Variants in PCNT observed in about 807,000 individuals in gnomAD.
PCNT encodes pericentrin.
A neutral mutation model predicts 380.4 loss-of-function variants in PCNT; 319 were observed. That is an observed-to-expected ratio of 0.84 (90% CI 0.77 to 0.92). The LOEUF is 0.92. PCNT is among the 40% of genes least tolerant of loss of function. PCNT has a pLI of 0.00. For synonymous variants in PCNT, 1,845 were observed against 1,735.2 expected, an observed-to-expected ratio of 1.06 and a Z score of -1.57; for missense variants, 4,400 against 4,255.3, an observed-to-expected ratio of 1.03 and a Z score of -0.95.
intron 15 of PCNT, among the ~76,000 whole-genome samples, chr21:46,380,515 T>G (rs1222859142): frequency 1.5e-4 from 22 of 150,848 alleles, no homozygotes; most frequent in Non-Finnish European, 1.5e-5. Context: ...GGCAGCAAGG[T>G]GCCCGGCAGG....
chr21:46,364,831 C>T (rs368664869), intron 14 of PCNT, among the ~76,000 whole-genome samples: 108 of 152,334 alleles, frequency 7.1e-4, no homozygotes, highest in African/African-American at 2.3e-3. Flanking sequence ...TGCATGAACA[C>T]GAGCAGGACG....
At chr21:46,354,661 G>A (rs140295937) in intron 11 of PCNT, among the ~76,000 whole-genome samples, 1 of 152,266 alleles carries the variant, frequency 6.6e-6, no homozygotes, top group East Asian at 1.9e-4. Context: ...GGGCAGCACC[G>A]CGTGGCTTGT....
At chr21:46,421,531 A>G (rs369685727) in intron 31 of PCNT, among the ~76,000 whole-genome samples, 26 of 152,290 alleles carry the variant, frequency 1.7e-4, no homozygotes, top group African/African-American at 6.3e-4. Context: ...CATGGCAGGC[A>G]CGGTCAGCGT....
At chr21:46,394,667 T>C in intron 21 of PCNT, 1 of 215,846 alleles carries the variant, frequency 4.6e-6, no homozygotes, top group Non-Finnish European at 7.9e-6. Flanking sequence ...TACTCTAATC[T>C]TCAGTATTCA....
intron 13 of PCNT, among the ~76,000 whole-genome samples, chr21:46,361,504 G>T (rs1459080679): frequency 6.6e-6 from 1 of 152,320 alleles, no homozygotes; most frequent in East Asian, 1.9e-4. Context: ...AACTGCACAG[G>T]TGCTTTTGTC....
At chr21:46,421,856 G>C in intron 31 of PCNT, 114 bp from the exon 32 acceptor site, 2 of 1,135,474 alleles carry the variant, frequency 1.8e-6, no homozygotes, top group Non-Finnish European at 2.6e-6. Flanking sequence ...GAATCACGGT[G>C]TGGTTGTCGC....
At position 46,402,480 on chromosome 21, in the gene PCNT, G is replaced by C; in HGVS notation, c.5112G>C (p.Leu1704Phe). 1 of 1,614,064 alleles carries C rather than the reference G, an allele frequency of 6.2e-7. No homozygotes were observed. Among genetic ancestry groups the C allele is most frequent in the Non-Finnish European group, 8.5e-7 (1 of 1,179,968 alleles). The change falls in exon 27 of 47, where the codon TTG becomes TTC. Residue 1704 changes from leucine (L) to phenylalanine (F), a missense_variant. Physicochemically the swap from Leu to Phe is conservative, Grantham distance 22. Coordinates refer to ENST00000359568, the MANE Select transcript of PCNT (RefSeq NM_006031.6). The stretch of plus-strand genomic sequence containing the variant: ...AACTTGAGGAAGAGAACACGAGCTT[G>C]AAGGTAAGCTACCAAAGGTCCACGT... ...LRELEEENTS[L>F]KVIYTRSSEI...
chr21:46,383,900 A>G (rs543687661), intron 16 of PCNT, among the ~76,000 whole-genome samples: 44 of 122,378 alleles, frequency 3.6e-4, no homozygotes, highest in South Asian at 1.3e-3. Context: ...ATTCAGTGGC[A>G]GAAGCGCATT....
chr21:46,417,141 T>G (rs2087058857), intron 30 of PCNT, among the ~76,000 whole-genome samples: 1 of 151,942 alleles, frequency 6.6e-6, no homozygotes, highest in African/African-American at 2.4e-5. Context: ...CATAGGGTTC[T>G]TTGTCCAGAA....
At position 46,385,957 on chromosome 21, in the gene PCNT, C is replaced by A; in HGVS notation, c.3438C>A (p.Ala1146=). ...CAAACCTCCTCTCCATGCTCAAGGC[C>A]GACGTCAACCTGTCCCACAGCGAAA... is the stretch of plus-strand genomic sequence containing the variant. ...EGANLLSMLK[A]DVNLSHSERG... Residue 1146 remains alanine (A), a synonymous_variant, in exon 17 of 47, where the codon GCC becomes GCA. Transcript: ENST00000359568. 6.2e-7 allele frequency: 1 copy of A among 1,614,164 alleles called. No individual in the cohort carries two copies. The highest frequency in any genetic ancestry group is 8.5e-7 in the Non-Finnish European group (1 of 1,180,022).
At chr21:46,347,594 A>C (rs1601797583) in intron 6 of PCNT, 82 bp downstream of exon 6, 5 of 1,275,976 alleles carry the variant, frequency 3.9e-6, no homozygotes, top group Non-Finnish European at 5.7e-6. Flanking sequence ...AACGCTCCTC[A>C]CCTTGATTCA....
In PCNT at chr21:46,349,135, G is replaced by A. The variant is rs770890994; in HGVS notation, c.1156G>A (p.Glu386Lys). ...LQNQFQKELAEQRAELEKIFQ... is the reference protein window; with the variant it reads ...LQNQFQKELAKQRAELEKIFQ... The stretch of plus-strand genomic sequence containing the variant: ...AAACCAGTTTCAGAAAGAATTGGCA[G>A]AACAGAGAGCTGAGTTGGAGAAGAT... The change falls in exon 7 of 47, where the codon GAA becomes AAA. Residue 386 changes from glutamate to lysine, a missense_variant. Coordinates refer to ENST00000359568, the MANE Select transcript of PCNT (RefSeq NM_006031.6). 1.2e-6 allele frequency: 2 copies of A among 1,613,786 alleles called. No homozygotes were observed. Among genetic ancestry groups the A allele is most frequent in the South Asian group, 1.1e-5 (1 of 91,060 alleles).
intron 2 of PCNT, among the ~76,000 whole-genome samples, chr21:46,327,725 C>T (rs746025364): frequency 1.2e-4 from 18 of 152,218 alleles, no homozygotes; most frequent in Non-Finnish European, 2.2e-4. Flanking sequence ...ACATAATATT[C>T]CTTCACATAG....
chr21:46,363,108 A>T (rs2084777125), intron 13 of PCNT, among the ~76,000 whole-genome samples: 1 of 152,242 alleles, frequency 6.6e-6, no homozygotes, highest in Admixed American at 6.5e-5. Flanking sequence ...TTCCCCTAAC[A>T]GAGGCCTGCG....
At chr21:46,442,963 C>T (rs998467242) in intron 44 of PCNT, 6 of 311,830 alleles carry the variant, frequency 1.9e-5, no homozygotes, top group Admixed American at 4.7e-5. Context: ...AGTTCTCTGC[C>T]GAGCCATTGC....
chr21:46,405,759 A>G (rs967694715), intron 27 of PCNT, among the ~76,000 whole-genome samples: 2 of 152,228 alleles, frequency 1.3e-5, no homozygotes, highest in Non-Finnish European at 2.9e-5. Flanking sequence ...TTATTTGTCT[A>G]TAGTGCTCTA....
At chr21:46,395,144 G>C (rs1432075554) in intron 21 of PCNT, among the ~76,000 whole-genome samples, 1 of 152,266 alleles carries the variant, frequency 6.6e-6, no homozygotes, top group African/African-American at 2.4e-5. Flanking sequence ...ACTGCTGACA[G>C]TGGCATCAAC....
chr21:46,397,390 T>C lies in PCNT; in HGVS notation c.4342T>C (p.Ser1448Pro). 6.2e-7 allele frequency: 1 copy of C among 1,614,158 alleles called. No individual in the cohort carries two copies. Among genetic ancestry groups the C allele is most frequent in the Non-Finnish European group, 8.5e-7 (1 of 1,180,014 alleles). ...ILESELEEQL[S>P]QHRGCAKQAE... is the part of the protein sequence containing the mutation. ...GGAGTCTGAGTTAGAAGAACAGCTGTCTCAGCATCGCGGGTGTGCCAAGCA... is the reference window on the plus strand; with the variant it reads ...GGAGTCTGAGTTAGAAGAACAGCTGCCTCAGCATCGCGGGTGTGCCAAGCA... The change falls in exon 22 of 47, where the codon TCT becomes CCT. Residue 1448 changes from serine to proline, a missense_variant. Ser to Pro is a moderately conservative substitution (Grantham distance 74, BLOSUM62 -1). Coordinates refer to ENST00000359568, the MANE Select transcript of PCNT (RefSeq NM_006031.6).
chr21:46,391,501 T>A, intron 21 of PCNT, 125 bp downstream of exon 21: 1 of 774,134 alleles, frequency 1.3e-6, no homozygotes, highest in Non-Finnish European at 2.1e-6. Context: ...GCACGCAGCT[T>A]CTCCTGGAAC....
Sources: gnomAD v4.1 joint callset for allele counts (sites outside exome capture counted in the v4.1 genomes callset) on GRCh38, gnomAD v4.1.1 for gene constraint, MANE v1.5 for transcripts, NCBI Gene and HGNC (gene_info 2026-07-23, HGNC 2026-07-21) for gene names.